The following MYO16 variants were observed in gnomAD, a reference collection of about 807,000 sequenced individuals.
MYO16 encodes the protein myosin XVI, also known as unconventional myosin-XVI.
MYO16 carries 94 observed loss-of-function variants against 205.3 expected under a neutral mutation model. That is an observed-to-expected ratio of 0.46 (90% CI 0.39 to 0.54). MYO16 has a LOEUF of 0.54. MYO16 is among the 20% of genes least tolerant of loss of function. MYO16 has a pLI of 0.00. For synonymous variants in MYO16, 988 were observed against 954.0 expected (o/e 1.04, Z -0.66); for missense variants, 2,315 against 2,387.5 (o/e 0.97, Z 0.63).
At chr13:108,879,707 C>A (rs1283504223) in intron 12 of MYO16, among the ~76,000 whole-genome samples, 3 of 152,160 alleles carry the variant, frequency 2.0e-5, no homozygotes, top group East Asian at 1.9e-4. Context: ...TTTTTTATGG[C>A]TGCATAGTAT....
At chr13:108,585,697 A>T in the MYO16 span, among the ~76,000 whole-genome samples, 1 of 152,214 alleles carries the variant, frequency 6.6e-6, no homozygotes, top group East Asian at 1.9e-4. Flanking sequence ...CTTGTTTCAT[A>T]ATGTCATGCC....
At chr13:108,829,135 T>C (rs1876459201) in intron 9 of MYO16, among the ~76,000 whole-genome samples, 1 of 152,198 alleles carries the variant, frequency 6.6e-6, no homozygotes, top group African/African-American at 2.4e-5. Context: ...ATGAGGACTG[T>C]GCCCTTAACC....
rs375575565 is a variant in MYO16, at chr13:108,886,401, C to T, written c.1554-1971C>T. 8.8e-6 allele frequency: 4 copies of T among 455,940 alleles called. No individual in the cohort carries two copies. The East Asian group carries it at 2.8e-4, about 32-fold the overall frequency. The allele number at this position is 455,940 out of a possible 1,614,324, so 28.2% of individuals were successfully genotyped here. A position where few individuals can be genotyped will look rare whatever the true frequency, so the allele number is the denominator to read the frequency against. ...GTTGATGCAGGATTTTGCTCCTTAG[C>T]TCGGCTACGTCCAGGTTCTTGCCTC... On this transcript the variant is annotated intron_variant, in intron 13 of 34. Transcript: ENST00000457511.
At chr13:109,157,393 C>G (rs1878120532) in intron 32 of MYO16, among the ~76,000 whole-genome samples, 1 of 152,146 alleles carries the variant, frequency 6.6e-6, no homozygotes, top group Non-Finnish European at 1.5e-5. Context: ...AGCCAGCCTC[C>G]CCTCCCTCAC....
intron 27 of MYO16, among the ~76,000 whole-genome samples, chr13:109,097,277 C>G (rs1359440981): frequency 6.6e-6 from 1 of 151,728 alleles, no homozygotes; most frequent in Non-Finnish European, 1.5e-5. Flanking sequence ...TGCGGTCAGC[C>G]GAGATCACAC....
intron 1 of MYO16, among the ~76,000 whole-genome samples, chr13:108,602,695 C>A (rs994138747): frequency 2.0e-5 from 3 of 152,120 alleles, no homozygotes; most frequent in African/African-American, 7.2e-5. Flanking sequence ...TTTGGTCCTG[C>A]AATATTCTGG....
In MYO16 at chr13:108,616,542, C is replaced by A. The variant is rs375414760; in HGVS notation, c.-39+20303C>A. ...GAACCATGGGCAGTAATCCTTTTTC[C>A]CTTGTTCGTGTATAAACCACGCTGC... On this transcript the variant is annotated intron_variant, in intron 1 of 24. Coordinates refer to the MYO16 transcript ENST00000251041. Among the ~76,000 whole-genome samples, 414 of 152,048 alleles carry A rather than the reference C, an allele frequency of 2.7e-3. 3 individuals are homozygous for A. The highest frequency in any genetic ancestry group is 9.4e-3 in the African/African-American group (389 of 41,482).
intron 14 of MYO16, among the ~76,000 whole-genome samples, chr13:108,893,832 G>C (rs1369205075): frequency 6.6e-6 from 1 of 152,070 alleles, no homozygotes; most frequent in Non-Finnish European, 1.5e-5. Flanking sequence ...AGACAATTTT[G>C]CCTCAAATCC....
intron 4 of MYO16, among the ~76,000 whole-genome samples, chr13:108,783,448 A>T (rs923978338): frequency 6.6e-6 from 1 of 152,188 alleles, no homozygotes; most frequent in Non-Finnish European, 1.5e-5. Context: ...GGCAGAAGGG[A>T]CTTGCCTTGT....
intron 2 of MYO16, among the ~76,000 whole-genome samples, chr13:108,703,887 G>A (rs542174807): frequency 6.6e-6 from 1 of 152,088 alleles, no homozygotes; most frequent in South Asian, 2.1e-4. Context: ...TGGGAACAGG[G>A]CATTTAAGGA....
intron 4 of MYO16, among the ~76,000 whole-genome samples, chr13:108,737,022 T>G (rs1292243832): frequency 6.6e-6 from 1 of 152,212 alleles, no homozygotes; most frequent in Non-Finnish European, 1.5e-5. Context: ...GCTTATCAGC[T>G]TAAGGAGATT....
the MYO16 span, among the ~76,000 whole-genome samples, chr13:108,559,765 C>T: frequency 6.6e-6 from 1 of 152,034 alleles, no homozygotes; most frequent in Non-Finnish European, 1.5e-5. Context: ...CCACAGCGCC[C>T]GGCCTTGAGG....
chr13:109,063,781 A>ATTT (rs1272323079), intron 27 of MYO16, among the ~76,000 whole-genome samples: 1 of 91,252 alleles, frequency 1.1e-5, no homozygotes, highest in South Asian at 3.4e-4. Context: ...GTTACTTGAT[A>ATTT]CTTATGCTGA....
intron 2 of MYO16, among the ~76,000 whole-genome samples, chr13:108,705,762 AG>A (rs1883485652): frequency 6.6e-6 from 1 of 152,146 alleles, no homozygotes; most frequent in Non-Finnish European, 1.5e-5. Flanking sequence ...TATGCCAAAA[AG>A]TTAGATAAAC....
intron 23 of MYO16, among the ~76,000 whole-genome samples, chr13:109,022,147 A>T (rs1306895459): frequency 1.1e-5 from 1 of 91,368 alleles, no homozygotes; most frequent in Non-Finnish European, 2.1e-5. Context: ...ATATATTTAT[A>T]TATACAAATT....
chr13:108,586,047 G>T, the MYO16 span, among the ~76,000 whole-genome samples: 1 of 152,118 alleles, frequency 6.6e-6, no homozygotes, highest in Admixed American at 6.5e-5. Flanking sequence ...AATAGATCTT[G>T]ACACAGAGTA....
At chr13:109,180,945 G>C (rs547708810) in intron 34 of MYO16, among the ~76,000 whole-genome samples, 2 of 152,252 alleles carry the variant, frequency 1.3e-5, no homozygotes. Context: ...ACAACACAAC[G>C]CTGGGCCATC....
At chr13:109,071,687 G>A (rs1179848140) in intron 27 of MYO16, among the ~76,000 whole-genome samples, 1 of 152,026 alleles carries the variant, frequency 6.6e-6, no homozygotes, top group Non-Finnish European at 1.5e-5. Flanking sequence ...TAACAATAGA[G>A]TAAAACATGA....
chr13:108,652,157 G>GCA (rs945500986), intron 1 of MYO16, among the ~76,000 whole-genome samples: 2 of 150,872 alleles, frequency 1.3e-5, no homozygotes, highest in Non-Finnish European at 3.0e-5. Context: ...GTGTGTGTGC[G>GCA]CGCGCGCGCA....
Sources: allele counts gnomAD v4.1 joint callset (sites outside exome capture counted in the v4.1 genomes callset), GRCh38; gene constraint gnomAD v4.1.1; transcripts MANE v1.5; gene names NCBI Gene and HGNC (gene_info 2026-07-23, HGNC 2026-07-21).